Variants in APOBEC1 observed in about 807,000 individuals in gnomAD.
APOBEC1 encodes apolipoprotein B mRNA editing enzyme catalytic subunit 1.
In APOBEC1, 22 loss-of-function variants were observed where a neutral mutation model predicts 26.3. That is an observed-to-expected ratio of 0.84 (90% CI 0.60 to 1.19). APOBEC1 has a LOEUF of 1.19. Among genes scored for constraint, APOBEC1 ranks in the 50% most tolerant of loss-of-function variants. The pLI, the probability that APOBEC1 is intolerant of heterozygous loss-of-function variation, is 0.00. For synonymous variants in APOBEC1, 77 were observed against 95.3 expected, an observed-to-expected ratio of 0.81 and a Z score of 1.12; for missense variants, 253 against 289.0, an observed-to-expected ratio of 0.88 and a Z score of 0.90.
At chr12:7,650,966 C>A (rs10431308) in intron 4 of APOBEC1, 57 bp downstream of exon 4, 1,070,283 of 1,285,302 alleles carry the variant, frequency 0.83, 454,838 homozygotes, top group Non-Finnish European at 0.88. Context: ...TCAGGAAAGA[C>A]CTTTGAAGAA....
chr12:7,669,882 A>C (rs139312269), upstream of APOBEC1, among the ~76,000 whole-genome samples: 614 of 152,202 alleles, frequency 4.0e-3, 2 homozygotes, highest in African/African-American at 0.014. Context: ...ATTTGCATTA[A>C]AATTAAATGC....
intron 1 of APOBEC1, among the ~76,000 whole-genome samples, chr12:7,659,294 CAAAAAAAAAAAAAAAA>C (rs1163730869): frequency 4.2e-4 from 7 of 16,540 alleles, no homozygotes; most frequent in African/African-American, 1.7e-3. Flanking sequence ...AACTCCCTCT[CAAAAAAAAAAAAAAAA>C]AAAAAAAAAA....
chr12:7,660,218 G>T (rs1196255190), intron 1 of APOBEC1, among the ~76,000 whole-genome samples: 2 of 151,088 alleles, frequency 1.3e-5, no homozygotes, highest in Non-Finnish European at 2.9e-5. Context: ...CAGGAGAATT[G>T]CTTGAACCCG....
chr12:7,652,451 A>G lies in APOBEC1; in HGVS notation c.429T>C (p.Ile143=), dbSNP rs146962359. The change falls in exon 3 of 5, where the codon ATT becomes ATC. Residue 143 remains isoleucine (I), a synonymous_variant. Transcript: ENST00000229304. ...DLVNSGVTIQ[I]MRASEYYHCW... is the part of the protein sequence containing the mutation. Reference sequence around the variant, plus strand: ...TACTGTTTTTACCTGATGCTCTCATAATCTGAATAGTTACTCCACTGTTAA... The same window carrying G: ...TACTGTTTTTACCTGATGCTCTCATGATCTGAATAGTTACTCCACTGTTAA... 7.8e-5 allele frequency: 126 copies of G among 1,612,168 alleles called. No individual in the cohort carries two copies. Among genetic ancestry groups the G allele is most frequent in the Non-Finnish European group, 1.0e-4 (123 of 1,179,408 alleles).
In APOBEC1 at chr12:7,649,539, C is replaced by T; in HGVS notation, c.*8G>A. 2 of 1,613,718 alleles carry T rather than the reference C, an allele frequency of 1.2e-6. No individual in the cohort carries two copies. Among genetic ancestry groups the T allele is most frequent in the Non-Finnish European group, 1.7e-6 (2 of 1,179,822 alleles). On this transcript the variant is annotated 3_prime_UTR_variant, in exon 5 of 5. Transcript: ENST00000229304. The stretch of plus-strand genomic sequence containing the variant: ...TCTTGAATCAGTACACACACGGAAT[C>T]ATCCTATTCATCTCCAAGCCACAGA...
chr12:7,652,074 G>A (rs1863650856), intron 3 of APOBEC1, among the ~76,000 whole-genome samples: 2 of 152,028 alleles, frequency 1.3e-5, no homozygotes, highest in South Asian at 4.1e-4. Flanking sequence ...CGCCCACCTC[G>A]GCCTCCCAAA....
chr12:7,662,289 TA>T (rs1279224913), intron 1 of APOBEC1, among the ~76,000 whole-genome samples: 3 of 151,414 alleles, frequency 2.0e-5, no homozygotes, highest in Non-Finnish European at 4.4e-5. Flanking sequence ...TTTAAAAATT[TA>T]AAAAAAGACG....
intron 1 of APOBEC1, among the ~76,000 whole-genome samples, chr12:7,658,454 C>T (rs761493067): frequency 2.6e-5 from 4 of 152,036 alleles, no homozygotes; most frequent in Non-Finnish European, 5.9e-5. Context: ...ACTCAGGCTG[C>T]GTTTTGAGAA....
chr12:7,665,988 C>T (rs768131079), upstream of APOBEC1: 44 of 1,070,338 alleles, frequency 4.1e-5, no homozygotes, highest in East Asian at 9.9e-4. Flanking sequence ...TGACTCATTC[C>T]CGCATCTCAG....
intron 1 of APOBEC1, among the ~76,000 whole-genome samples, chr12:7,655,153 G>A (rs891948411): frequency 2.0e-5 from 3 of 152,058 alleles, no homozygotes; most frequent in African/African-American, 4.8e-5. Context: ...AGGTTGCAGT[G>A]AGCCAAGATC....
At chr12:7,663,643 G>A (rs865858844) in intron 1 of APOBEC1, among the ~76,000 whole-genome samples, 14 of 152,176 alleles carry the variant, frequency 9.2e-5, no homozygotes, top group South Asian at 2.1e-4. Context: ...TGAAGCAGCA[G>A]TGAGAAGTTC....
At chr12:7,652,351 T>C in intron 3 of APOBEC1, 87 bp downstream of exon 3, 1 of 1,264,064 alleles carries the variant, frequency 7.9e-7, no homozygotes, top group Non-Finnish European at 1.1e-6. Flanking sequence ...ACTTCCAGCC[T>C]GGGCTAACCA....
At chr12:7,660,039 C>G (rs1022601367) in intron 1 of APOBEC1, among the ~76,000 whole-genome samples, 1 of 152,110 alleles carries the variant, frequency 6.6e-6, no homozygotes, top group Admixed American at 6.6e-5. Flanking sequence ...GGTGCGGTGG[C>G]TCACGCCTGT....
intron 1 of APOBEC1, among the ~76,000 whole-genome samples, chr12:7,657,743 G>A (rs1863736367): frequency 6.6e-6 from 1 of 152,012 alleles, no homozygotes; most frequent in Admixed American, 6.6e-5. Context: ...AGCTGTAGTG[G>A]TGCATGCCTG....
chr12:7,653,807 T>G (rs1863679246), intron 2 of APOBEC1, among the ~76,000 whole-genome samples: 1 of 152,198 alleles, frequency 6.6e-6, no homozygotes, highest in East Asian at 1.9e-4. Context: ...ACATTAGGAT[T>G]CTATATACTA....
chr12:7,668,495 C>T (rs1863919323), upstream of APOBEC1, among the ~76,000 whole-genome samples: 1 of 152,172 alleles, frequency 6.6e-6, no homozygotes, highest in Non-Finnish European at 1.5e-5. Context: ...CTATTGAGCG[C>T]TTCGTCCATG....
At chr12:7,667,860 C>T (rs767092016), upstream of APOBEC1, among the ~76,000 whole-genome samples, 16 of 145,172 alleles carry the variant, frequency 1.1e-4, no homozygotes, top group African/African-American at 3.1e-4. Context: ...TGCAGTTAGC[C>T]GAGATCTCAC....
chr12:7,660,412 G>GAAGGAAAGAAAGAAAGAA (rs201225005), intron 1 of APOBEC1, among the ~76,000 whole-genome samples: 1 of 122,004 alleles, frequency 8.2e-6, no homozygotes, highest in Non-Finnish European at 1.9e-5. Context: ...AAGAAAGAAA[G>GAAGGAAAGAAAGAAAGAA]AGAGGGTATT....
At chr12:7,665,097 C>A (rs1390432266) in intron 1 of APOBEC1, among the ~76,000 whole-genome samples, 1 of 152,020 alleles carries the variant, frequency 6.6e-6, no homozygotes, top group Non-Finnish European at 1.5e-5. Context: ...TCTTAGAATC[C>A]AGCTCAAATC....
Sources: gnomAD v4.1 joint callset for allele counts (sites outside exome capture counted in the v4.1 genomes callset) on GRCh38, gnomAD v4.1.1 for gene constraint, MANE v1.5 for transcripts, NCBI Gene and HGNC (gene_info 2026-07-23, HGNC 2026-07-21) for gene names.